SPAG16: variants seen among roughly 807,000 people sequenced by gnomAD.
The protein encoded by SPAG16 is sperm-associated antigen 16 protein.
SPAG16 carries 86 observed loss-of-function variants against 80.4 expected under a neutral mutation model. The observed-to-expected ratio is 1.07, with a 90% confidence interval of 0.90 to 1.28. The LOEUF (loss-of-function observed/expected upper bound fraction) is 1.28, where lower values mean the gene tolerates loss of function less well. SPAG16 is among the 50% of genes most tolerant of loss of function. The pLI, the probability that SPAG16 is intolerant of heterozygous loss-of-function variation, is 0.00. For synonymous variants in SPAG16, 294 were observed against 265.9 expected (o/e 1.11, Z -1.03); for missense variants, 870 against 765.3 (o/e 1.14, Z -1.61).
At chr2:214,162,524 T>C (rs549292947) in intron 15 of SPAG16, among the ~76,000 whole-genome samples, 1 of 152,162 alleles carries the variant, frequency 6.6e-6, no homozygotes, top group African/African-American at 2.4e-5. Flanking sequence ...CAACTTTATT[T>C]CTCTTTCTAA....
chr2:214,019,697 A>C (rs2047761388), intron 13 of SPAG16, among the ~76,000 whole-genome samples: 2 of 152,124 alleles, frequency 1.3e-5, no homozygotes, highest in African/African-American at 4.8e-5. Context: ...GATCTGGTGA[A>C]CTCTAAGAGG....
intron 15 of SPAG16, among the ~76,000 whole-genome samples, chr2:214,348,294 G>C (rs1698187467): frequency 6.6e-6 from 1 of 152,196 alleles, no homozygotes; most frequent in African/African-American, 2.4e-5. Flanking sequence ...AGTTTAAAAG[G>C]GATGAGGGTG....
At chr2:213,483,005 A>G (rs2073825388) in intron 9 of SPAG16, among the ~76,000 whole-genome samples, 1 of 152,190 alleles carries the variant, frequency 6.6e-6, no homozygotes, top group Admixed American at 6.5e-5. Context: ...AAGCATATGA[A>G]GTTAGTTGCT....
chr2:213,507,092 A>T (rs1036062558), intron 10 of SPAG16, among the ~76,000 whole-genome samples: 1 of 152,232 alleles, frequency 6.6e-6, no homozygotes, highest in Non-Finnish European at 1.5e-5. Context: ...GTTACCAGGG[A>T]GAATGACCAC....
At chr2:213,973,444 C>A (rs571239182) in intron 12 of SPAG16, among the ~76,000 whole-genome samples, 1 of 152,114 alleles carries the variant, frequency 6.6e-6, no homozygotes, top group East Asian at 1.9e-4. Context: ...TCAGGTAGCA[C>A]CCAAACAGGT....
chr2:213,396,533 A>G (rs748564827), intron 9 of SPAG16: 2 of 323,342 alleles, frequency 6.2e-6, no homozygotes, highest in Non-Finnish European at 6.4e-6. Flanking sequence ...ATCAAGAGAA[A>G]GCTTATGAGC....
intron 13 of SPAG16, among the ~76,000 whole-genome samples, chr2:214,017,362 A>G (rs951388726): frequency 1.3e-5 from 2 of 152,310 alleles, no homozygotes; most frequent in Non-Finnish European, 1.5e-5. Flanking sequence ...TGAAGTTTGT[A>G]TAAAAGTGAT....
In SPAG16 at chr2:214,252,825, T is replaced by C. The variant is rs182706954; in HGVS notation, c.1720+103559T>C. Among the ~76,000 whole-genome samples, 20 of 152,284 alleles carry C rather than the reference T, an allele frequency of 1.3e-4. No homozygotes were observed. In the East Asian group the frequency reaches 3.9e-3, roughly 29 times the overall value. ...GGCATATACCCAGTAATGAGATTGC[T>C]GGGTCAAATGGTATTTCTAAGTTCT... On this transcript the variant is annotated intron_variant, in intron 15 of 15. Transcript: ENST00000331683.
chr2:214,238,251 T>C, intron 15 of SPAG16: 1 of 334,582 alleles, frequency 3.0e-6, no homozygotes, highest in Non-Finnish European at 5.9e-6. Context: ...ATACATATGA[T>C]GAGATATTTT....
At chr2:214,162,139 AGAAAGCTTCAG>A (rs1401632616) in intron 15 of SPAG16, among the ~76,000 whole-genome samples, 7 of 152,236 alleles carry the variant, frequency 4.6e-5, no homozygotes, top group African/African-American at 1.7e-4. Flanking sequence ...TTCCCTTATC[AGAAAGCTTCAG>A]GACAGTTCAA....
chr2:213,478,541 T>G (rs2073558678), intron 9 of SPAG16, among the ~76,000 whole-genome samples: 1 of 152,170 alleles, frequency 6.6e-6, no homozygotes, highest in African/African-American at 2.4e-5. Flanking sequence ...GTAGCTACTA[T>G]TACAAAATTA....
At chr2:214,200,029 G>A (rs563258526) in intron 15 of SPAG16, among the ~76,000 whole-genome samples, 28 of 152,120 alleles carry the variant, frequency 1.8e-4, no homozygotes, top group Non-Finnish European at 2.1e-4. Flanking sequence ...CTAGGTAAAC[G>A]ATCATATCAT....
chr2:213,408,508 A>G (rs564907722), intron 9 of SPAG16, among the ~76,000 whole-genome samples: 1 of 152,354 alleles, frequency 6.6e-6, no homozygotes, highest in South Asian at 2.1e-4. Context: ...GTATGGGGCT[A>G]TTCTGTTAGA....
chr2:214,134,858 AT>A (rs1220507262), intron 14 of SPAG16, among the ~76,000 whole-genome samples: 1 of 152,178 alleles, frequency 6.6e-6, no homozygotes, highest in Non-Finnish European at 1.5e-5. Flanking sequence ...AAACTTTGGA[AT>A]TTTTACACAT....
At chr2:213,303,739 T>C (rs1290540302) in intron 3 of SPAG16, among the ~76,000 whole-genome samples, 1 of 152,122 alleles carries the variant, frequency 6.6e-6, no homozygotes, top group Non-Finnish European at 1.5e-5. Flanking sequence ...AATAGTACTT[T>C]ATTACATAAA....
At chr2:213,608,349 G>C (rs917804456) in intron 10 of SPAG16, among the ~76,000 whole-genome samples, 4 of 151,846 alleles carry the variant, frequency 2.6e-5, no homozygotes, top group African/African-American at 9.7e-5. Flanking sequence ...AACAGTCCCC[G>C]GTGTGTGATG....
intron 14 of SPAG16, among the ~76,000 whole-genome samples, chr2:214,146,797 A>C (rs11889901): frequency 2.0e-5 from 3 of 151,830 alleles, no homozygotes; most frequent in Non-Finnish European, 4.4e-5. Flanking sequence ...TCAGGAGATC[A>C]AGACCATCCT....
intron 15 of SPAG16, among the ~76,000 whole-genome samples, chr2:214,320,322 T>TA (rs1422389844): frequency 6.6e-6 from 1 of 152,214 alleles, no homozygotes; most frequent in African/African-American, 2.4e-5. Context: ...GAACTTCTTG[T>TA]ACTCCTACAT....
chr2:213,557,369 G>T (rs1164679539), intron 10 of SPAG16, among the ~76,000 whole-genome samples: 1 of 151,894 alleles, frequency 6.6e-6, no homozygotes, highest in Non-Finnish European at 1.5e-5. Context: ...TTGAAAGTTG[G>T]AAAATTGTAA....
Sources: allele counts gnomAD v4.1 joint callset (sites outside exome capture counted in the v4.1 genomes callset), GRCh38; gene constraint gnomAD v4.1.1; transcripts MANE v1.5; gene names NCBI Gene and HGNC (gene_info 2026-07-23, HGNC 2026-07-21).